The following DCN variants were observed in gnomAD, a reference collection of about 807,000 sequenced individuals.
DCN encodes the protein bone proteoglycan II.
In DCN, 17 loss-of-function variants were observed where a neutral mutation model predicts 36.5. The ratio of observed to expected loss-of-function variants is 0.47; its 90% CI spans 0.32 to 0.70. The LOEUF (loss-of-function observed/expected upper bound fraction) is 0.70. Among genes scored for constraint, DCN ranks in the 30% least tolerant of loss-of-function variants. The pLI is 0.04. For missense variants in DCN, 389 were observed against 430.1 expected, an observed-to-expected ratio of 0.90 and a Z score of 0.84; for synonymous variants, 163 against 161.4, an observed-to-expected ratio of 1.01 and a Z score of -0.07.
At chr12:91,164,426 A>G (rs1882389469) in intron 3 of DCN, among the ~76,000 whole-genome samples, 179 bp downstream of exon 3, 1 of 147,244 alleles carries the variant, frequency 6.8e-6, no homozygotes, top group Non-Finnish European at 1.5e-5. Context: ...AAGAAAAAGA[A>G]AAACAGTGTT....
intron 1 of DCN, chr12:91,179,418 T>G (rs1201887780): frequency 6.6e-6 from 1 of 152,320 alleles, no homozygotes; most frequent in Non-Finnish European, 1.5e-5. Flanking sequence ...CTGTGTCCCC[T>G]GGCTCATCCA....
chr12:91,168,261 C>A (rs558537730), intron 2 of DCN, among the ~76,000 whole-genome samples: 1 of 152,132 alleles, frequency 6.6e-6, no homozygotes, highest in Non-Finnish European at 1.5e-5. Flanking sequence ...TTATGTAAAA[C>A]TCCACTTATT....
chr12:91,151,570 G>A (rs767282707), intron 7 of DCN, 84 bp downstream of exon 7: 25 of 1,522,800 alleles, frequency 1.6e-5, no homozygotes, highest in Non-Finnish European at 2.2e-5. Flanking sequence ...TCTAAGAAGA[G>A]CTTCCTGCTT....
chr12:91,147,297 C>T (rs932762664), intron 7 of DCN, among the ~76,000 whole-genome samples: 1 of 152,236 alleles, frequency 6.6e-6, no homozygotes, highest in African/African-American at 2.4e-5. Context: ...AAGGTGTCTT[C>T]AAGGCTTGTT....
At position 91,141,941 on chromosome 12, in the gene DCN, T is replaced by C. The variant is rs1360322570; in HGVS notation, c.*4117A>G. On this transcript the variant is annotated 3_prime_UTR_variant, in exon 8 of 8. Transcript: ENST00000052754. ...TTCTTTTGGCTCAAAATTGTTCAAC[T>C]TCTTTGAAGGTTGTTTTAGTTTCCT... 2 of 152,194 alleles carry C rather than the reference T, an allele frequency of 1.3e-5. No homozygotes were observed. The highest frequency in any genetic ancestry group is 4.8e-5 in the African/African-American group (2 of 41,464). The allele number at this position is 152,194 out of a possible 1,614,324, so 9.4% of individuals were successfully genotyped here.
chr12:91,155,245 C>A (rs1881685942), intron 5 of DCN, among the ~76,000 whole-genome samples: 1 of 152,134 alleles, frequency 6.6e-6, no homozygotes, highest in Middle Eastern at 3.2e-3. Context: ...CCTGTTTAAG[C>A]CTCATTTTCC....
At chr12:91,176,852 T>G in intron 2 of DCN, 1 of 152,214 alleles carries the variant, frequency 6.6e-6, no homozygotes, top group South Asian at 2.1e-4. Flanking sequence ...CCTGTGTATA[T>G]CCATCAAATG....
intron 2 of DCN, among the ~76,000 whole-genome samples, chr12:91,167,233 C>T (rs189048377): frequency 1.3e-5 from 2 of 152,012 alleles, no homozygotes; most frequent in African/African-American, 4.8e-5. Context: ...TGTTAACTAG[C>T]TTGCTCAAAG....
intron 7 of DCN, among the ~76,000 whole-genome samples, chr12:91,146,489 C>T (rs1030042012): frequency 6.6e-6 from 1 of 150,864 alleles, no homozygotes; most frequent in Non-Finnish European, 1.5e-5. Context: ...ACTGAGTAGC[C>T]GGGACTACAG....
At position 91,178,589 on chromosome 12, in the gene DCN, G is replaced by A; in HGVS notation, c.-33-4C>T. On this transcript the variant is annotated splice_region_variant and splice_polypyrimidine_tract_variant and intron_variant, in intron 1 of 7. Transcript: ENST00000052754. ...TGTATTTTCACAACCAGGGAACCTA[G>A]GAAACAAATGAGAGATTTAAGAAGA... The A allele has an allele frequency of 2.5e-6, 4 of 1,569,170 alleles. No individual in the cohort carries two copies. Among genetic ancestry groups the A allele is most frequent in the Non-Finnish European group, 3.5e-6 (4 of 1,139,590 alleles).
In DCN at chr12:91,141,318, A is replaced by G. The variant is rs1469427139; in HGVS notation, c.*4740T>C. 1 of 152,172 alleles carries G rather than the reference A, an allele frequency of 6.6e-6. No homozygotes were observed. The highest frequency in any genetic ancestry group is 1.5e-5 in the Non-Finnish European group (1 of 68,084). The allele number at this position is 152,172 out of a possible 1,614,324, so 9.4% of individuals were successfully genotyped here. ...GTTTGTCCTCTCTGCTCTTGTTGGA[A>G]CGTGCCATGTATTTTCCAAATTCAG... On this transcript the variant is annotated 3_prime_UTR_variant, in exon 8 of 8. Coordinates refer to ENST00000052754, the MANE Select transcript of DCN (RefSeq NM_001920.5).
intron 3 of DCN, among the ~76,000 whole-genome samples, chr12:91,162,678 G>A (rs893054267): frequency 6.6e-6 from 1 of 152,134 alleles, no homozygotes; most frequent in South Asian, 2.1e-4. Context: ...CCACAGGCAG[G>A]TAACAAATCA....
chr12:91,175,528 G>A (rs1225860751), intron 2 of DCN: 2 of 152,008 alleles, frequency 1.3e-5, no homozygotes, highest in Non-Finnish European at 2.9e-5. Flanking sequence ...ACTTTGCCAA[G>A]AATATTTCTT....
intron 5 of DCN, among the ~76,000 whole-genome samples, chr12:91,153,542 T>C (rs1166393546): frequency 2.0e-5 from 3 of 152,114 alleles, no homozygotes; most frequent in South Asian, 2.1e-4. Flanking sequence ...AAGATAGTAA[T>C]TATAAAGTGG....
At chr12:91,151,471 T>A in intron 7 of DCN, 183 bp downstream of exon 7, 2 of 650,438 alleles carry the variant, frequency 3.1e-6, no homozygotes. Context: ...TATTGAAATC[T>A]AGCTAATGTA....
In DCN at chr12:91,142,395, G is replaced by C. The variant is rs183683136; in HGVS notation, c.*3663C>G. On this transcript the variant is annotated 3_prime_UTR_variant, in exon 8 of 8. Transcript: ENST00000052754. ...TGAGGGATTAGGCAATTCTTCCTTC[G>C]TATAAAGATAAGATTATGATATCCT... 1 of 152,124 alleles carries C rather than the reference G, an allele frequency of 6.6e-6. No homozygotes were observed. Among genetic ancestry groups the C allele is most frequent in the African/African-American group, 2.4e-5 (1 of 41,436 alleles). The allele number at this position is 152,124 out of a possible 1,614,324, so 9.4% of individuals were successfully genotyped here.
Position 91,145,788 on chromosome 12 carries a change from A to C in DCN, c.*270T>G. 2.2e-6 allele frequency: 1 copy of C among 464,942 alleles called. No homozygotes were observed. Among genetic ancestry groups the C allele is most frequent in the Non-Finnish European group, 3.9e-6 (1 of 255,056 alleles). 28.8% of individuals were successfully genotyped at this position (464,942 alleles called of 1,614,324 possible). On this transcript the variant is annotated 3_prime_UTR_variant, in exon 8 of 8. Coordinates refer to ENST00000052754, the MANE Select transcript of DCN (RefSeq NM_001920.5). ...AAATATTGACATATATATTTACTCC[A>C]AATTTTACATTTAGTGAAATAAGAA...
At chr12:91,168,539 G>T (rs1370587685) in intron 2 of DCN, among the ~76,000 whole-genome samples, 2 of 152,132 alleles carry the variant, frequency 1.3e-5, no homozygotes, top group Non-Finnish European at 2.9e-5. Context: ...AAAACAAGAA[G>T]TGCCTTTCTG....
chr12:91,181,095 A>T (rs1175160640), intron 1 of DCN: 1 of 152,026 alleles, frequency 6.6e-6, no homozygotes, highest in Non-Finnish European at 1.5e-5. Context: ...GGCAGCTTAT[A>T]ACTTCAATCA....
Sources: allele counts gnomAD v4.1 joint callset (sites outside exome capture counted in the v4.1 genomes callset), GRCh38; gene constraint gnomAD v4.1.1; transcripts MANE v1.5; gene names NCBI Gene and HGNC (gene_info 2026-07-23, HGNC 2026-07-21).